The following PKN3 variants were observed in gnomAD, a reference collection of about 807,000 sequenced individuals.
PKN3 encodes protein kinase N3.
In PKN3, 91 loss-of-function variants were observed where a neutral mutation model predicts 113.1. The observed-to-expected ratio is 0.80, with a 90% CI of 0.68 to 0.96. PKN3 has a LOEUF of 0.96. Among genes scored for constraint, PKN3 ranks in the 40% least tolerant of loss-of-function variants. PKN3 has a pLI of 0.00. For missense variants in PKN3, 1,052 were observed against 1,202.2 expected (o/e 0.88, Z 1.85); for synonymous variants, 467 against 499.0 (o/e 0.94, Z 0.85).
chr9:128,719,831 G>C lies in PKN3; in HGVS notation c.2268+3G>C. On this transcript the variant is annotated splice_donor_region_variant and intron_variant, in intron 19 of 21. Transcript: ENST00000291906. ...TCTACGAGATGCTGGTGGGTGAGGT[G>C]AGTGCTGGAGCCTGTTTCCTGGGCC... 1.3e-6 allele frequency: 2 copies of C among 1,599,932 alleles called. No homozygotes were observed. The highest frequency in any genetic ancestry group is 1.7e-6 in the Non-Finnish European group (2 of 1,168,504).
chr9:128,712,981 TC>T, intron 6 of PKN3, 70 bp from the exon 7 acceptor site: 2 of 1,494,724 alleles, frequency 1.3e-6, no homozygotes, highest in Non-Finnish European at 1.8e-6. Context: ...CTTCCTGGGG[TC>T]CCAGGACACC....
intron 16 of PKN3, 55 bp downstream of exon 16, chr9:128,716,978 C>A: frequency 6.8e-7 from 1 of 1,463,128 alleles, no homozygotes. Context: ...TGGTTCCCTA[C>A]ACCCACTCTC....
intron 16 of PKN3, among the ~76,000 whole-genome samples, chr9:128,717,720 TAAA>T (rs568178531): frequency 9.1e-5 from 9 of 99,274 alleles, no homozygotes; most frequent in Admixed American, 3.3e-4. Context: ...AGACTCCATC[TAAA>T]AAAAAAAAAA....
chr9:128,702,706 C>T lies in PKN3; in HGVS notation c.-210C>T. The stretch of plus-strand genomic sequence containing the variant: ...CCGAGGGAGGCGCTGGGGCGCGGGA[C>T]CTCGGGCGTGGGGTCCCGGGCGCTG... On this transcript the variant is annotated 5_prime_UTR_variant, in exon 1 of 22. Transcript: ENST00000291906. 4 of 475,290 alleles carry T rather than the reference C, an allele frequency of 8.4e-6. No homozygotes were observed. The East Asian group carries it at 1.5e-4, about 17-fold the overall frequency. The allele number at this position is 475,290 out of a possible 1,614,324, so 29.4% of individuals were successfully genotyped here.
At chr9:128,716,597 C>T (rs10819432) in intron 15 of PKN3, 150 bp from the exon 16 acceptor site, 313,115 of 564,820 alleles carry the variant, frequency 0.55, 49,506 homozygotes, top group Admixed American at 0.66. Flanking sequence ...GACTGTGTCT[C>T]AAAAAAAAAA....
Position 128,719,914 on chromosome 9 carries a change from C to A in PKN3, c.2273C>A (p.Pro758Gln). The A allele has an allele frequency of 6.2e-7, 1 of 1,613,966 alleles. No homozygotes were observed. ...GCTGAGCCCCCATCTCCACAGTGCC[C>A]GTTCCCAGGGGACACAGAGGAAGAG... ...LLYEMLVGEC[P>Q]FPGDTEEEVF... Residue 758 changes from proline (P) to glutamine (Q), a missense_variant, in exon 20 of 22, where the codon CCG becomes CAG. By Grantham distance (76) the Pro-to-Gln change is moderately conservative. Coordinates refer to ENST00000291906, the MANE Select transcript of PKN3 (RefSeq NM_013355.5).
At position 128,714,367 on chromosome 9, in the gene PKN3, T is replaced by G. The variant is rs749614441; in HGVS notation, c.1481+2T>G. ...GGCCTCTGACCCTGCCACTCCCAGG[T>G]GAGGAGCTCCCTTGCCCTAGACTGC... On this transcript the variant is annotated splice_donor_variant, in intron 11 of 21. Coordinates refer to ENST00000291906, the MANE Select transcript of PKN3 (RefSeq NM_013355.5). LOFTEE classifies it high-confidence loss of function. 6.3e-7 allele frequency: 1 copy of G among 1,598,030 alleles called. No homozygotes were observed. Among genetic ancestry groups the G allele is most frequent in the Admixed American group, 1.7e-5 (1 of 57,144 alleles).
Position 128,720,715 on chromosome 9 carries a change from C to A in PKN3, c.*109C>A. The A allele has an allele frequency of 1.0e-6, 1 of 969,068 alleles. No homozygotes were observed. The highest frequency in any genetic ancestry group is 1.5e-6 in the Non-Finnish European group (1 of 652,558). 60.0% of individuals were successfully genotyped at this position (969,068 alleles called of 1,614,324 possible). On this transcript the variant is annotated 3_prime_UTR_variant, in exon 22 of 22. Transcript: ENST00000291906. The surrounding 1 kb of genome is among the most constrained non-coding windows in gnomAD (Gnocchi z 5.5). ...CCAGGCCTTGCTGGGTACTTCTGAG[C>A]CCTTGGGATTCAAAGTGGCAGCCAT...
At position 128,717,113 on chromosome 9, in the gene PKN3, G is replaced by GTTTTTTTTTTTTTTTT. The variant is rs1554781180; in HGVS notation, c.1985+193_1985+194insTTTTTTTTTTTTTTTT. 3.8e-3 allele frequency among the ~76,000 whole-genome samples: 55 copies of GTTTTTTTTTTTTTTTT among 14,412 alleles called. 1 individual carries two copies. The highest frequency in any genetic ancestry group is 4.6e-3 in the South Asian group (2 of 436). The allele number at this position is 14,412 out of a possible 152,430, so 9.5% of individuals were successfully genotyped here. On this transcript the variant is annotated intron_variant, in intron 16 of 21. Coordinates refer to ENST00000291906, the MANE Select transcript of PKN3 (RefSeq NM_013355.5). ...ATCAGCTTATGAAGCTGTGCATTAGGTTTCTTTTTTTTTTTTTTTTTTTTT... is the reference window on the plus strand; with the variant it reads ...ATCAGCTTATGAAGCTGTGCATTAGGTTTTTTTTTTTTTTTTTTTCTTTTTTTTTTTTTTTTTTTTT...
At chr9:128,719,546 C>T (rs1301747064) in intron 18 of PKN3, 140 bp from the exon 19 acceptor site, 5 of 848,052 alleles carry the variant, frequency 5.9e-6, no homozygotes, top group Non-Finnish European at 9.1e-6. Context: ...AGTCAAATGG[C>T]GTCATAACCA....
intron 18 of PKN3, among the ~76,000 whole-genome samples, 195 bp from the exon 19 acceptor site, chr9:128,719,491 G>A (rs1862457144): frequency 6.6e-6 from 1 of 152,152 alleles, no homozygotes; most frequent in African/African-American, 2.4e-5. Flanking sequence ...ACCCAGCCGA[G>A]TTCTGCCTTC....
In PKN3 at chr9:128,715,413, C is replaced by T; in HGVS notation, c.1761C>T (p.Ile587=). ...AGGGGACAGGGAAATACTACGCCAT[C>T]AAAGCACTGAAGAAGCAGGAGGTGC... ...QFKGTGKYYA[I]KALKKQEVLS... The change falls in exon 15 of 22, where the codon ATC becomes ATT. Residue 587 remains isoleucine (I), a synonymous_variant. Transcript: ENST00000291906. The surrounding 1 kb of genome is among the most constrained non-coding windows in gnomAD (Gnocchi z 4.1). 1.2e-6 allele frequency: 2 copies of T among 1,614,012 alleles called. No homozygotes were observed. The highest frequency in any genetic ancestry group is 2.2e-5 in the South Asian group (2 of 91,066).
chr9:128,705,179 C>A, intron 1 of PKN3, 124 bp from the exon 2 acceptor site: 1 of 1,270,690 alleles, frequency 7.9e-7, no homozygotes, highest in Non-Finnish European at 1.1e-6. Flanking sequence ...GCTTCCAAAA[C>A]CCTGTGCGAG....
chr9:128,720,632 CT>C lies in PKN3; in HGVS notation c.*28del. On this transcript the variant is annotated 3_prime_UTR_variant, in exon 22 of 22. Transcript: ENST00000291906. The surrounding 1 kb of genome is among the most constrained non-coding windows in gnomAD (Gnocchi z 5.5). ...GGGCATCTCCTGGCACCTCTGTCCC[CT>C]TCCCCCACAGACTGTTAGAGCCTCT... 1.3e-6 allele frequency: 2 copies of C among 1,589,838 alleles called. No homozygotes were observed. The highest frequency in any genetic ancestry group is 1.7e-6 in the Non-Finnish European group (2 of 1,161,852).
chr9:128,704,272 C>T (rs765360338), intron 1 of PKN3: 18 of 484,476 alleles, frequency 3.7e-5, no homozygotes, highest in Non-Finnish European at 4.6e-5. Context: ...TGGGTGAAGC[C>T]GTGAGAGAGC....
At chr9:128,704,163 G>A (rs906024323) in intron 1 of PKN3, 1 of 984,356 alleles carries the variant, frequency 1.0e-6, no homozygotes, top group Non-Finnish European at 1.2e-6. Flanking sequence ...CCCGTGTTGC[G>A]GGGCATCATG....
In PKN3 at chr9:128,720,414, G is replaced by C; in HGVS notation, c.2478G>C (p.Leu826=). The part of the protein sequence containing the change: ...PFFRTTNWQA[L]LARTIQPPFV... ...CTCAGACCACCAACTGGCAAGCCCT[G>C]CTCGCCCGCACCATCCAGCCCCCCT... is the stretch of plus-strand genomic sequence containing the variant. Residue 826 remains leucine (L), a synonymous_variant, in exon 22 of 22, where the codon CTG becomes CTC. Transcript: ENST00000291906. The surrounding 1 kb of genome is among the most constrained non-coding windows in gnomAD (Gnocchi z 5.5). 1 of 1,613,086 alleles carries C rather than the reference G, an allele frequency of 6.2e-7. No individual in the cohort carries two copies. Among genetic ancestry groups the C allele is most frequent in the Non-Finnish European group, 8.5e-7 (1 of 1,179,972 alleles).
Position 128,702,906 on chromosome 9 carries a change from G to C in PKN3, c.-10G>C. ...CTGAGAGAAGGGCCCCAAGCGGCCG[G>C]AGCGGCGCCATGGAGGAGGGGGCGC... On this transcript the variant is annotated 5_prime_UTR_variant, in exon 1 of 22. Transcript: ENST00000291906. 1 of 1,484,268 alleles carries C rather than the reference G, an allele frequency of 6.7e-7. No individual in the cohort carries two copies. The highest frequency in any genetic ancestry group is 8.9e-7 in the Non-Finnish European group (1 of 1,120,238). 91.9% of individuals were successfully genotyped at this position (1,484,268 alleles called of 1,614,324 possible).
rs1484619978 is a variant in PKN3, at chr9:128,702,905, G to A, written c.-11G>A. The A allele has an allele frequency of 2.0e-6, 3 of 1,483,756 alleles. No individual in the cohort carries two copies. The South Asian group carries it at 3.8e-5, about 19-fold the overall frequency. The allele number at this position is 1,483,756 out of a possible 1,614,324, so 91.9% of individuals were successfully genotyped here. A position where few individuals can be genotyped will look rare whatever the true frequency, so the allele number is the denominator to read the frequency against. ...GCTGAGAGAAGGGCCCCAAGCGGCC[G>A]GAGCGGCGCCATGGAGGAGGGGGCG... On this transcript the variant is annotated 5_prime_UTR_variant, in exon 1 of 22. Transcript: ENST00000291906.
Sources: gnomAD v4.1 joint callset for allele counts (sites outside exome capture counted in the v4.1 genomes callset) on GRCh38, gnomAD v4.1.1 for gene constraint, Gnocchi (gnomAD v3.1) non-coding constraint, MANE v1.5 for transcripts, NCBI Gene and HGNC (gene_info 2026-07-23, HGNC 2026-07-21) for gene names.